Variants in RBFOX1 observed in about 807,000 individuals in gnomAD.
The protein encoded by RBFOX1 is RNA binding fox-1 homolog 1, also known as RNA binding protein fox-1 homolog 1.
In RBFOX1, 8 loss-of-function variants were observed where a neutral mutation model predicts 57.7. The ratio of observed to expected loss-of-function variants is 0.14; its 90% CI spans 0.08 to 0.25. The LOEUF (loss-of-function observed/expected upper bound fraction) is 0.25, where lower values mean the gene tolerates loss of function less well. Ranked by LOEUF, RBFOX1 falls within the 10% of genes least tolerant of loss-of-function variation. The probability of loss-of-function intolerance (pLI) is 1.00; values close to 1 mark genes in which losing one functional copy is unlikely to be tolerated. For missense variants in RBFOX1, 611 were observed against 548.5 expected (o/e 1.11, Z -1.14); for synonymous variants, 326 against 222.4 (o/e 1.47, Z -4.15).
intron 1 of RBFOX1, among the ~76,000 whole-genome samples, chr16:5,444,320 C>T (rs141064754): frequency 6.6e-6 from 1 of 152,338 alleles, no homozygotes. Flanking sequence ...TCTGATCACT[C>T]AGAGCTTTAG....
intron 3 of RBFOX1, among the ~76,000 whole-genome samples, chr16:6,951,955 C>T (rs137941642): frequency 2.0e-5 from 3 of 152,216 alleles, no homozygotes; most frequent in African/African-American, 2.4e-5. Flanking sequence ...AGGCTGGTCT[C>T]GAACACCTGA....
At chr16:6,852,767 C>T (rs913178171) in intron 3 of RBFOX1, among the ~76,000 whole-genome samples, 2 of 151,880 alleles carry the variant, frequency 1.3e-5, no homozygotes, top group East Asian at 3.9e-4. Flanking sequence ...TGGGAACTAG[C>T]TGTCTGGGAG....
chr16:6,071,195 C>A (rs1355551625), intron 1 of RBFOX1, among the ~76,000 whole-genome samples: 1 of 152,066 alleles, frequency 6.6e-6, no homozygotes, highest in East Asian at 1.9e-4. Context: ...GTGGCACATG[C>A]CTGTAGGACC....
At chr16:7,357,697 C>G (rs2097244553) in intron 4 of RBFOX1, among the ~76,000 whole-genome samples, 1 of 152,158 alleles carries the variant, frequency 6.6e-6, no homozygotes, top group Admixed American at 6.6e-5. Flanking sequence ...TGTCAGTTTT[C>G]TTGCCCTGCC....
At chr16:5,417,038 A>G (rs1273064363) in intron 1 of RBFOX1, among the ~76,000 whole-genome samples, 1 of 152,234 alleles carries the variant, frequency 6.6e-6, no homozygotes, top group African/African-American at 2.4e-5. Flanking sequence ...GATTCAGTAG[A>G]ACAACAACAA....
At chr16:6,543,081 T>C (rs1290780005) in intron 2 of RBFOX1, among the ~76,000 whole-genome samples, 2 of 152,190 alleles carry the variant, frequency 1.3e-5, no homozygotes, top group Non-Finnish European at 2.9e-5. Context: ...AATAGTTTTG[T>C]TCATTTCAAA....
rs991001824 is a variant in RBFOX1 at position 6,773,963 on chromosome 16, C to T, written c.-16+119313C>T. ...TGTGTGTGCACACGCACATGGTTCT[C>T]ATGGTCCTCCCGTTTTCAACTGAAC... On this transcript the variant is annotated intron_variant, in intron 3 of 15. Coordinates refer to ENST00000550418, the MANE Select transcript of RBFOX1 (RefSeq NM_018723.4). 3 of 985,186 alleles carry T rather than the reference C, an allele frequency of 3.0e-6. No individual in the cohort carries two copies. In the African/African-American group the frequency reaches 5.3e-5, roughly 17 times the overall value. The allele number at this position is 985,186 out of a possible 1,614,324, so 61.0% of individuals were successfully genotyped here.
At chr16:6,688,307 C>T (rs1017896778) in intron 3 of RBFOX1, among the ~76,000 whole-genome samples, 1 of 152,104 alleles carries the variant, frequency 6.6e-6, no homozygotes, top group South Asian at 2.1e-4. Context: ...TGAGACAGCA[C>T]TAGGGAGATG....
chr16:6,662,264 A>G (rs575967478), intron 3 of RBFOX1, among the ~76,000 whole-genome samples: 25 of 152,328 alleles, frequency 1.6e-4, no homozygotes, highest in African/African-American at 6.0e-4. Flanking sequence ...ATGCGGTAAG[A>G]GAGTAGATCT....
At chr16:5,391,305 C>T (rs2066400899) in intron 1 of RBFOX1, among the ~76,000 whole-genome samples, 1 of 151,232 alleles carries the variant, frequency 6.6e-6, no homozygotes, top group Non-Finnish European at 1.5e-5. Context: ...ATCAAAGCAT[C>T]AGTGGGGTTA....
intron 3 of RBFOX1, among the ~76,000 whole-genome samples, chr16:5,759,311 G>T (rs892965958): frequency 1.5e-4 from 23 of 152,146 alleles, no homozygotes; most frequent in African/African-American, 5.1e-4. Context: ...CCCATAGTGG[G>T]AATTGGTGAA....
intron 3 of RBFOX1, among the ~76,000 whole-genome samples, chr16:6,823,989 G>C (rs544726050): frequency 1.3e-5 from 2 of 152,324 alleles, no homozygotes; most frequent in South Asian, 2.1e-4. Flanking sequence ...ATGGGTATGA[G>C]CTGGCCCCAT....
intron 2 of RBFOX1, among the ~76,000 whole-genome samples, chr16:6,614,581 G>T (rs1276661511): frequency 1.3e-5 from 2 of 152,094 alleles, no homozygotes; most frequent in Non-Finnish European, 2.9e-5. Context: ...GCCTAGTTCT[G>T]GAGGTTGCAT....
rs375876188 is a variant in RBFOX1, at chr16:6,625,277, G to C, written c.-63-29326G>C. On this transcript the variant is annotated intron_variant, in intron 2 of 15. Coordinates refer to ENST00000550418, the MANE Select transcript of RBFOX1 (RefSeq NM_018723.4). ...GCAGTTGAGTTAAGTGCTAAAGTGA[G>C]AAGGACACAGAATAGAGTCGATTTA... Among the ~76,000 whole-genome samples the C allele has an allele frequency of 6.6e-5, 10 of 150,880 alleles. No homozygotes were observed. The East Asian group carries it at 9.8e-4, about 15-fold the overall frequency.
chr16:5,455,220 C>T (rs890620779), intron 1 of RBFOX1, among the ~76,000 whole-genome samples: 4 of 151,978 alleles, frequency 2.6e-5, no homozygotes, highest in Admixed American at 6.6e-5. Flanking sequence ...GCTGGGGTTA[C>T]TGACCAGAGT....
chr16:5,691,263 G>A (rs2050670423), intron 3 of RBFOX1, among the ~76,000 whole-genome samples: 1 of 152,178 alleles, frequency 6.6e-6, no homozygotes, highest in Non-Finnish European at 1.5e-5. Context: ...AGGAGGATTG[G>A]GATATTAGTC....
chr16:5,798,456 G>A (rs2054950314), intron 3 of RBFOX1, among the ~76,000 whole-genome samples: 1 of 152,170 alleles, frequency 6.6e-6, no homozygotes, highest in Admixed American at 6.5e-5. Context: ...GGGAGGATAT[G>A]GGACTTCCAG....
intron 4 of RBFOX1, among the ~76,000 whole-genome samples, chr16:7,157,438 G>C (rs189171967): frequency 1.3e-5 from 2 of 152,166 alleles, no homozygotes; most frequent in East Asian, 3.9e-4. Flanking sequence ...TGGAGTCAAA[G>C]GAAATGTTAT....
intron 2 of RBFOX1, among the ~76,000 whole-genome samples, chr16:6,502,297 C>G (rs1285061788): frequency 6.6e-6 from 1 of 152,140 alleles, no homozygotes; most frequent in Non-Finnish European, 1.5e-5. Context: ...CCTGATCTAC[C>G]TGGCATGCCA....
Sources: allele counts gnomAD v4.1 joint callset (sites outside exome capture counted in the v4.1 genomes callset), GRCh38; gene constraint gnomAD v4.1.1; transcripts MANE v1.5; gene names NCBI Gene and HGNC (gene_info 2026-07-23, HGNC 2026-07-21).